PDE11A: variants seen among roughly 807,000 people sequenced by gnomAD.
The protein encoded by PDE11A is dual 3',5'-cyclic-AMP and -GMP phosphodiesterase 11A.
Under a neutral mutation model 100.5 loss-of-function variants are expected in PDE11A, and 100 were observed. The observed-to-expected ratio is 1.00, with a 90% confidence interval of 0.85 to 1.18. The LOEUF is 1.18. PDE11A is among the 50% of genes most tolerant of loss of function. PDE11A has a pLI of 0.00. For missense variants in PDE11A, 1,141 were observed against 1,152.6 expected (o/e 0.99, Z 0.15); for synonymous variants, 381 against 420.8 (o/e 0.91, Z 1.16).
intron 6 of PDE11A, among the ~76,000 whole-genome samples, chr2:177,835,994 G>T (rs1051948763): frequency 6.6e-6 from 1 of 152,176 alleles, no homozygotes; most frequent in Admixed American, 6.5e-5. Flanking sequence ...CCTCCCCGAC[G>T]AGCGCTGCCC....
intron 2 of PDE11A, chr2:177,922,806 C>T (rs2085072356): frequency 2.0e-6 from 2 of 984,808 alleles, no homozygotes; most frequent in African/African-American, 1.7e-5. Context: ...CTTGACTCAT[C>T]TTCCAGCACT....
intron 9 of PDE11A, among the ~76,000 whole-genome samples, chr2:177,775,796 T>G (rs2082369543): frequency 6.6e-6 from 1 of 152,200 alleles, no homozygotes; most frequent in South Asian, 2.1e-4. Flanking sequence ...GAAATCAGCC[T>G]CTGTTAACTC....
intron 5 of PDE11A, among the ~76,000 whole-genome samples, chr2:177,844,927 C>G (rs2083555870): frequency 6.6e-6 from 1 of 151,840 alleles, no homozygotes; most frequent in African/African-American, 2.4e-5. Context: ...AAAAGTCTCC[C>G]ATGTCTACTT....
intron 10 of PDE11A, among the ~76,000 whole-genome samples, chr2:177,739,846 G>C (rs1227282162): frequency 6.6e-6 from 1 of 152,148 alleles, no homozygotes; most frequent in African/African-American, 2.4e-5. Flanking sequence ...TTATGAAAGA[G>C]GTTTCTACTC....
At chr2:178,009,758 C>T (rs1036137425) in intron 2 of PDE11A, among the ~76,000 whole-genome samples, 21 of 152,294 alleles carry the variant, frequency 1.4e-4, no homozygotes, top group African/African-American at 4.8e-4. Flanking sequence ...ATGTTAGGTA[C>T]ATAAATAGCC....
At chr2:177,666,948 T>A (rs6433686) in intron 18 of PDE11A, among the ~76,000 whole-genome samples, 4 of 150,972 alleles carry the variant, frequency 2.6e-5, no homozygotes, top group African/African-American at 9.8e-5. Flanking sequence ...GAGAGAGTCT[T>A]GCTCTGTCAC....
At chr2:177,784,962 C>T (rs1402089295) in intron 9 of PDE11A, among the ~76,000 whole-genome samples, 1 of 152,124 alleles carries the variant, frequency 6.6e-6, no homozygotes, top group African/African-American at 2.4e-5. Context: ...TATAGATTAC[C>T]TACAGCAATT....
chr2:178,044,899 G>T (rs2086730601), intron 1 of PDE11A, among the ~76,000 whole-genome samples: 1 of 151,942 alleles, frequency 6.6e-6, no homozygotes, highest in African/African-American at 2.4e-5. Flanking sequence ...ATTTTTGATT[G>T]CTTCAGTAGG....
chr2:177,650,404 T>C (rs1222614372), intron 19 of PDE11A, among the ~76,000 whole-genome samples: 1 of 152,230 alleles, frequency 6.6e-6, no homozygotes, highest in African/African-American at 2.4e-5. Flanking sequence ...ATAAACTGAA[T>C]GGCTGTTAAA....
At chr2:177,739,913 A>G (rs1315081340) in intron 10 of PDE11A, among the ~76,000 whole-genome samples, 3 of 152,214 alleles carry the variant, frequency 2.0e-5, no homozygotes, top group African/African-American at 7.2e-5. Context: ...AAATGAGGCA[A>G]AGAGGGGTGT....
chr2:178,035,172 C>G (rs1029516576), intron 1 of PDE11A, among the ~76,000 whole-genome samples: 2 of 151,558 alleles, frequency 1.3e-5, no homozygotes, highest in African/African-American at 4.8e-5. Context: ...CAAATAGACA[C>G]AATAAAAAAT....
intron 19 of PDE11A, among the ~76,000 whole-genome samples, chr2:177,654,443 C>T (rs2080351904): frequency 6.6e-6 from 1 of 152,090 alleles, no homozygotes; most frequent in Non-Finnish European, 1.5e-5. Context: ...ATTGCTTGTG[C>T]CTGGGAGGCA....
chr2:177,652,342 A>T (rs2080323020), intron 19 of PDE11A, among the ~76,000 whole-genome samples: 1 of 152,184 alleles, frequency 6.6e-6, no homozygotes, highest in Non-Finnish European at 1.5e-5. Flanking sequence ...CTCAAGTAAG[A>T]CTAGGAGTTG....
intron 2 of PDE11A, among the ~76,000 whole-genome samples, chr2:178,078,971 A>G (rs2087249853): frequency 6.6e-6 from 1 of 152,230 alleles, no homozygotes; most frequent in African/African-American, 2.4e-5. Context: ...CCACTGATGA[A>G]GTCTGACAGA....
At chr2:177,697,940 C>A (rs1435311890) in intron 14 of PDE11A, among the ~76,000 whole-genome samples, 1 of 152,168 alleles carries the variant, frequency 6.6e-6, no homozygotes, top group Non-Finnish European at 1.5e-5. Context: ...CAATGGGGAA[C>A]TTTAGCAAGG....
chr2:177,783,789 T>C (rs1220234296), intron 9 of PDE11A, among the ~76,000 whole-genome samples: 1 of 152,256 alleles, frequency 6.6e-6, no homozygotes, highest in African/African-American at 2.4e-5. Context: ...TCAAATGGCA[T>C]TGATCTCTTC....
chr2:178,087,569 G>C (rs1356989506), intron 2 of PDE11A, among the ~76,000 whole-genome samples: 1 of 152,128 alleles, frequency 6.6e-6, no homozygotes, highest in South Asian at 2.1e-4. Flanking sequence ...ACAGACAAAG[G>C]AGACTTGGAA....
intron 5 of PDE11A, among the ~76,000 whole-genome samples, chr2:177,845,984 C>T (rs984263404): frequency 1.5e-4 from 22 of 149,150 alleles, no homozygotes; most frequent in South Asian, 4.5e-4. Context: ...AGTCCAGCTT[C>T]GGCTCGGCAT....
intron 19 of PDE11A, among the ~76,000 whole-genome samples, chr2:177,631,808 C>G (rs966401239): frequency 1.3e-5 from 2 of 151,562 alleles, no homozygotes; most frequent in South Asian, 2.1e-4. Flanking sequence ...TGGCATCCCA[C>G]GTGGATGAGG....
Sources: gnomAD v4.1 joint callset for allele counts (sites outside exome capture counted in the v4.1 genomes callset) on GRCh38, gnomAD v4.1.1 for gene constraint, MANE v1.5 for transcripts, NCBI Gene and HGNC (gene_info 2026-07-23, HGNC 2026-07-21) for gene names.